PC: variants seen among roughly 807,000 people sequenced by gnomAD.
The protein encoded by PC is pyruvate carboxylase, also known as pyruvate carboxylase, mitochondrial.
Under a neutral mutation model 107.8 loss-of-function variants are expected in PC, and 46 were observed. That is an observed-to-expected ratio of 0.43 (90% confidence interval 0.34 to 0.55). The LOEUF is 0.55. Ranked by LOEUF, PC falls within the 20% of genes least tolerant of loss-of-function variation. PC has a pLI of 0.04. For missense variants in PC, 1,241 were observed against 1,643.1 expected (o/e 0.76, Z 4.23); for synonymous variants, 662 against 684.7 (o/e 0.97, Z 0.52).
chr11:66,922,434 C>T (rs757390794), intron 3 of PC, among the ~76,000 whole-genome samples: 1 of 150,702 alleles, frequency 6.6e-6, no homozygotes, highest in African/African-American at 2.4e-5. Context: ...ATTAGCTGGG[C>T]GTGGTGGTGC....
At position 66,860,076 on chromosome 11, in the gene PC, G is replaced by A. The variant is rs765536979; in HGVS notation, c.1368+3698C>T. ...GGGAGATGCCGGGTGCTACGGTTAT[G>A]CCAGGCGCCTGGGAGGAGCTTGGGC... On this transcript the variant is annotated intron_variant, in intron 12 of 22. Transcript: ENST00000393960. The A allele has an allele frequency of 1.8e-5, 28 of 1,558,672 alleles. 1 individual carries two copies. The highest frequency in any genetic ancestry group is 1.8e-4 in the South Asian group (15 of 85,224).
intron 3 of PC, among the ~76,000 whole-genome samples, chr11:66,950,444 C>T (rs1267854742): frequency 6.6e-6 from 1 of 152,192 alleles, no homozygotes; most frequent in Non-Finnish European, 1.5e-5. Flanking sequence ...GTAGGAAACC[C>T]GAGGTAGTGC....
At position 66,945,751 on chromosome 11, in the gene PC, A is replaced by G. The variant is rs772825698; in HGVS notation, c.-1+6679T>C. 2.4e-3 allele frequency among the ~76,000 whole-genome samples: 283 copies of G among 118,918 alleles called. 85 individuals carry two copies. The Middle Eastern group carries it at 0.063, about 26-fold the overall frequency. 78.0% of individuals were successfully genotyped at this position (118,918 alleles called of 152,430 possible). The stretch of plus-strand genomic sequence containing the variant: ...CAGGAAAATATTAGATTAAATATAG[A>G]CAAGGCTAGGAAAATAAAAACCATA... On this transcript the variant is annotated intron_variant, in intron 3 of 22. Transcript: ENST00000393960.
intron 3 of PC, among the ~76,000 whole-genome samples, chr11:66,887,721 G>A (rs1472207856): frequency 2.0e-5 from 3 of 152,220 alleles, no homozygotes; most frequent in Admixed American, 1.3e-4. Context: ...ACTGAAGGAC[G>A]CGTATCCATG....
In PC at chr11:66,868,319, G is replaced by A. The variant is rs976592354; in HGVS notation, c.1022+527C>T. Reference sequence around the variant, plus strand: ...AAATACACACAAGACGGAATAGTACGCAGCCACTAAAAGTATTCAGACAGA... The same window carrying A: ...AAATACACACAAGACGGAATAGTACACAGCCACTAAAAGTATTCAGACAGA... On this transcript the variant is annotated intron_variant, in intron 10 of 22. Transcript: ENST00000393960. 3.9e-5 allele frequency among the ~76,000 whole-genome samples: 6 copies of A among 152,224 alleles called. No homozygotes were observed. The East Asian group carries it at 7.7e-4, about 20-fold the overall frequency.
At position 66,849,774 on chromosome 11, in the gene PC, A is replaced by G. The variant is rs766231204; in HGVS notation, c.2984T>C (p.Val995Ala). The change falls in exon 21 of 23, where the codon GTA becomes GCA. Residue 995 changes from valine (V) to alanine (A), a missense_variant. Physicochemically the swap from Val to Ala is moderately conservative, Grantham distance 64 (BLOSUM62 0). Transcript: ENST00000393960. ...CGTCACCTCCTCCCCATGCCGGTCT[A>G]CCAGCTCCTTCTCCAGTGCCTGCAG... ...LDLQALEKEL[V>A]DRHGEEVTPE... 13 of 1,614,048 alleles carry G rather than the reference A, an allele frequency of 8.1e-6. No individual in the cohort carries two copies. Among genetic ancestry groups the G allele is most frequent in the Non-Finnish European group, 9.3e-6 (11 of 1,180,036 alleles).
rs1279377239 is a variant in PC, at chr11:66,917,681, A to G, written c.-1+34749T>C. On this transcript the variant is annotated intron_variant, in intron 3 of 22. Coordinates refer to ENST00000393960, the MANE Select transcript of PC (RefSeq NM_001040716.2). ...AAGCTTCAGAATGTCTAACACCTAC[A>G]TGATGCCTGTCCACTGCTCTGGTGG... 2.6e-5 allele frequency among the ~76,000 whole-genome samples: 4 copies of G among 152,324 alleles called. No homozygotes were observed. In the South Asian group the frequency reaches 8.3e-4, roughly 32 times the overall value.
chr11:66,924,418 A>G (rs560932845), intron 3 of PC, among the ~76,000 whole-genome samples: 3 of 140,822 alleles, frequency 2.1e-5, no homozygotes, highest in Non-Finnish European at 4.8e-5. Flanking sequence ...GCACACCTCA[A>G]TTAAAAAAAA....
intron 3 of PC, among the ~76,000 whole-genome samples, chr11:66,896,323 C>T (rs1014553699): frequency 8.5e-5 from 13 of 152,194 alleles, no homozygotes; most frequent in African/African-American, 2.9e-4. Context: ...AAGTGATCCA[C>T]CTGCCTCGGC....
intron 12 of PC, among the ~76,000 whole-genome samples, chr11:66,861,209 C>T (rs558927530): frequency 2.9e-4 from 44 of 152,320 alleles, no homozygotes; most frequent in African/African-American, 8.4e-4. Flanking sequence ...TGGCCAGGCC[C>T]GGGCAGCCTC....
In PC at chr11:66,871,021, C is replaced by G. The variant is rs776453960; in HGVS notation, c.633+31G>C. ...CTGCCCCCACGGCAGGCTGCCCTGC[C>G]CTGCTCCCAGCCCTGGGCATCTTCA... On this transcript the variant is annotated intron_variant, in intron 7 of 22. Coordinates refer to ENST00000393960, the MANE Select transcript of PC (RefSeq NM_001040716.2). This position sits in a 1 kb window ranked among gnomAD's most constrained non-coding sequence, Gnocchi z 7.4. 2 of 1,613,470 alleles carry G rather than the reference C, an allele frequency of 1.2e-6. No individual in the cohort carries two copies. The highest frequency in any genetic ancestry group is 1.7e-6 in the Non-Finnish European group (2 of 1,179,848).
At chr11:66,898,517 T>C (rs1444841651) in intron 3 of PC, among the ~76,000 whole-genome samples, 1 of 152,074 alleles carries the variant, frequency 6.6e-6, no homozygotes, top group East Asian at 1.9e-4. Flanking sequence ...CCATCTCTAC[T>C]AAAAATACAA....
chr11:66,922,435 G>A (rs1236091537), intron 3 of PC, among the ~76,000 whole-genome samples: 4 of 151,816 alleles, frequency 2.6e-5, no homozygotes, highest in African/African-American at 7.3e-5. Context: ...TTAGCTGGGC[G>A]TGGTGGTGCG....
intron 3 of PC, among the ~76,000 whole-genome samples, chr11:66,927,117 G>A (rs1324425061): frequency 6.9e-6 from 1 of 145,368 alleles, no homozygotes; most frequent in East Asian, 2.0e-4. Context: ...TCAGTCTCCT[G>A]AGTAGCTGGG....
At chr11:66,904,213 C>T (rs1245716502) in intron 3 of PC, among the ~76,000 whole-genome samples, 1 of 152,134 alleles carries the variant, frequency 6.6e-6, no homozygotes. Flanking sequence ...CCCACCCCTC[C>T]TGCACCCTGC....
intron 19 of PC, 51 bp from the exon 20 acceptor site, chr11:66,850,167 G>C: frequency 6.2e-7 from 1 of 1,613,840 alleles, no homozygotes; most frequent in Non-Finnish European, 8.5e-7. Context: ...AAGGAGGCCA[G>C]TGGCAGGTGC....
At chr11:66,887,078 C>T (rs928517421) in intron 3 of PC, among the ~76,000 whole-genome samples, 1 of 152,164 alleles carries the variant, frequency 6.6e-6, no homozygotes, top group Non-Finnish European at 1.5e-5. Context: ...CCACAGAGTG[C>T]TTACTGGGCT....
intron 16 of PC, 34 bp downstream of exon 16, chr11:66,851,756 C>T (rs1945504506): frequency 1.2e-6 from 2 of 1,610,960 alleles, no homozygotes; most frequent in Non-Finnish European, 1.7e-6. Context: ...TGGGCCACAC[C>T]AGGTAGCGTC....
At chr11:66,856,373 G>T (rs1490970778) in intron 12 of PC, among the ~76,000 whole-genome samples, 1 of 151,940 alleles carries the variant, frequency 6.6e-6, no homozygotes, top group Non-Finnish European at 1.5e-5. Context: ...GGGCGGGGCA[G>T]CTGGGGAGGG....
Sources: gnomAD v4.1 joint callset for allele counts (sites outside exome capture counted in the v4.1 genomes callset) on GRCh38, gnomAD v4.1.1 for gene constraint, Gnocchi (gnomAD v3.1) non-coding constraint, MANE v1.5 for transcripts, NCBI Gene and HGNC (gene_info 2026-07-23, HGNC 2026-07-21) for gene names.